FHIT: variants seen among roughly 807,000 people sequenced by gnomAD.
FHIT encodes fragile histidine triad diadenosine triphosphatase.
FHIT carries 19 observed loss-of-function variants against 17.9 expected under a neutral mutation model. That is an observed-to-expected ratio of 1.06 (90% confidence interval 0.74 to 1.56). The LOEUF (loss-of-function observed/expected upper bound fraction) is 1.56. FHIT is among the 40% of genes most tolerant of loss of function. The pLI, the probability that FHIT is intolerant of heterozygous loss-of-function variation, is 0.00. For missense variants in FHIT, 248 were observed against 189.2 expected (o/e 1.31, Z -1.82); for synonymous variants, 81 against 69.7 (o/e 1.16, Z -0.81).
chr3:60,691,395 C>T (rs1422489883), intron 4 of FHIT, among the ~76,000 whole-genome samples: 1 of 149,266 alleles, frequency 6.7e-6, no homozygotes, highest in Non-Finnish European at 1.5e-5. Context: ...TTTCTTGAGA[C>T]AGGGTCTCTG....
chr3:60,871,531 C>G (rs1553755031), intron 3 of FHIT, among the ~76,000 whole-genome samples: 1 of 152,104 alleles, frequency 6.6e-6, no homozygotes, highest in East Asian at 1.9e-4. Flanking sequence ...ATGATACTTT[C>G]CAAGTTCCAG....
chr3:60,813,550 C>T (rs1701637067), intron 4 of FHIT, among the ~76,000 whole-genome samples: 1 of 152,162 alleles, frequency 6.6e-6, no homozygotes, highest in African/African-American at 2.4e-5. Context: ...ATGAAGCAAA[C>T]ACGTGTTGTA....
intron 5 of FHIT, among the ~76,000 whole-genome samples, chr3:60,252,931 G>A (rs920130994): frequency 2.0e-5 from 3 of 152,012 alleles, no homozygotes; most frequent in Non-Finnish European, 4.4e-5. Flanking sequence ...CCAGGAGGCA[G>A]AGCTTGCAGT....
chr3:60,160,231 G>C (rs1398588444), intron 5 of FHIT, among the ~76,000 whole-genome samples: 2 of 152,030 alleles, frequency 1.3e-5, no homozygotes, highest in African/African-American at 2.4e-5. Context: ...AGAGGAAAAG[G>C]TAGTATGTTT....
chr3:60,954,219 T>C (rs1370064590), intron 3 of FHIT, among the ~76,000 whole-genome samples: 5 of 152,212 alleles, frequency 3.3e-5, no homozygotes, highest in Non-Finnish European at 5.9e-5. Flanking sequence ...CTATACATAA[T>C]TGATTGACCT....
At chr3:60,066,629 A>AAT in intron 5 of FHIT, among the ~76,000 whole-genome samples, 2 of 95,476 alleles carry the variant, frequency 2.1e-5, no homozygotes, top group Non-Finnish European at 4.5e-5. Flanking sequence ...ATCCCTGACA[A>AAT]ATTTTTTTTT....
chr3:60,345,438 A>G (rs1365422275), intron 5 of FHIT, among the ~76,000 whole-genome samples: 4 of 152,226 alleles, frequency 2.6e-5, no homozygotes, highest in African/African-American at 9.6e-5. Flanking sequence ...ACACTGTTCA[A>G]CTAGGAGGAG....
intron 5 of FHIT, among the ~76,000 whole-genome samples, chr3:60,102,606 T>C (rs553355589): frequency 6.6e-6 from 1 of 151,768 alleles, no homozygotes; most frequent in South Asian, 2.1e-4. Flanking sequence ...TTTGGAAAAT[T>C]AGTGTTAAAT....
At chr3:60,480,474 C>G (rs1412034697) in intron 5 of FHIT, among the ~76,000 whole-genome samples, 2 of 152,188 alleles carry the variant, frequency 1.3e-5, no homozygotes, top group East Asian at 1.9e-4. Context: ...CATCCAAAAT[C>G]TCATCTAAGA....
At chr3:59,767,166 T>C (rs1701840972) in intron 8 of FHIT, among the ~76,000 whole-genome samples, 1 of 152,106 alleles carries the variant, frequency 6.6e-6, no homozygotes. Context: ...TCAGCCAAAA[T>C]GCAGATAAAC....
At chr3:60,545,225 T>C (rs1049177370) in intron 4 of FHIT, among the ~76,000 whole-genome samples, 5 of 152,176 alleles carry the variant, frequency 3.3e-5, no homozygotes, top group Non-Finnish European at 5.9e-5. Flanking sequence ...CTATTTCGTA[T>C]TGTGTTTATC....
At chr3:60,298,445 AG>A (rs1297500713) in intron 5 of FHIT, among the ~76,000 whole-genome samples, 1 of 152,164 alleles carries the variant, frequency 6.6e-6, no homozygotes, top group Non-Finnish European at 1.5e-5. Flanking sequence ...ACCCGGAACC[AG>A]GGGCAGAGGC....
intron 4 of FHIT, among the ~76,000 whole-genome samples, chr3:60,542,046 T>C (rs2036202887): frequency 6.6e-6 from 1 of 152,228 alleles, no homozygotes. Flanking sequence ...GAATCCTCTT[T>C]ACATGTTTGT....
chr3:60,130,488 G>A (rs1469433977), intron 5 of FHIT, among the ~76,000 whole-genome samples: 4 of 152,074 alleles, frequency 2.6e-5, no homozygotes, highest in Admixed American at 2.0e-4. Context: ...GATGGGATAT[G>A]GATGTAAGAC....
chr3:60,650,111 A>C lies in FHIT; in HGVS notation c.-17-113132T>G, dbSNP rs1478647241. On this transcript the variant is annotated intron_variant, in intron 4 of 9. Transcript: ENST00000492590. ...AAATAATCCTTTCTAGGCCTAAAAT[A>C]CAGTCTGTCTTCTATTTTGGGCTTG... Among the ~76,000 whole-genome samples, 50 of 152,226 alleles carry C rather than the reference A, an allele frequency of 3.3e-4. 2 individuals are homozygous for C. Among genetic ancestry groups the C allele is most frequent in the Admixed American group, 3.2e-3 (49 of 15,284 alleles).
chr3:60,600,862 C>T (rs1050477694), intron 4 of FHIT, among the ~76,000 whole-genome samples: 6 of 152,182 alleles, frequency 3.9e-5, no homozygotes, highest in Admixed American at 2.6e-4. Flanking sequence ...CCCCTCTGGG[C>T]AGACCAAATT....
chr3:60,947,804 C>A (rs1255954192), intron 3 of FHIT, among the ~76,000 whole-genome samples: 1 of 152,136 alleles, frequency 6.6e-6, no homozygotes, highest in Admixed American at 6.5e-5. Flanking sequence ...AGAAGAATTC[C>A]AACTTCAGGC....
At chr3:60,745,452 C>T (rs1559689343) in intron 4 of FHIT, among the ~76,000 whole-genome samples, 2 of 152,132 alleles carry the variant, frequency 1.3e-5, no homozygotes, top group South Asian at 4.1e-4. Flanking sequence ...CCTTGTGGAG[C>T]ACTTCAAAGA....
intron 8 of FHIT, among the ~76,000 whole-genome samples, chr3:59,839,616 T>C (rs1479545552): frequency 1.3e-5 from 2 of 152,136 alleles, no homozygotes; most frequent in Non-Finnish European, 2.9e-5. Flanking sequence ...AAGTTCCTTT[T>C]CCACTTCCCT....
Sources: gnomAD v4.1 joint callset for allele counts (sites outside exome capture counted in the v4.1 genomes callset) on GRCh38, gnomAD v4.1.1 for gene constraint, MANE v1.5 for transcripts, NCBI Gene and HGNC (gene_info 2026-07-23, HGNC 2026-07-21) for gene names.